The following CACNG4 variants were observed in gnomAD, a reference collection of about 807,000 sequenced individuals.
CACNG4 encodes calcium voltage-gated channel auxiliary subunit gamma 4, also known as voltage-dependent calcium channel gamma-4 subunit.
In CACNG4, 8 loss-of-function variants were observed where a neutral mutation model predicts 22.9. The observed-to-expected ratio is 0.35, with a 90% CI of 0.21 to 0.63. The LOEUF (loss-of-function observed/expected upper bound fraction) is 0.63, where lower values mean the gene tolerates loss of function less well. Ranked by LOEUF, CACNG4 falls within the 30% of genes least tolerant of loss-of-function variation. The probability of loss-of-function intolerance (pLI) is 0.72; values close to 1 mark genes in which losing one functional copy is unlikely to be tolerated. For missense variants in CACNG4, 357 were observed against 455.4 expected (o/e 0.78, Z 1.97); for synonymous variants, 188 against 191.9 (o/e 0.98, Z 0.17).
intron 2 of CACNG4, among the ~76,000 whole-genome samples, chr17:67,021,293 T>C (rs199681664): frequency 7.0e-6 from 1 of 142,308 alleles, no homozygotes; most frequent in Non-Finnish European, 1.5e-5. Context: ...GGGCTCTGCC[T>C]CCGGGTGGAG....
In CACNG4 at chr17:67,031,417, G is replaced by T; in HGVS notation, c.*413G>T. On this transcript the variant is annotated 3_prime_UTR_variant, in exon 4 of 4. Coordinates refer to ENST00000262138, the MANE Select transcript of CACNG4 (RefSeq NM_014405.4). This position sits in a 1 kb window ranked among gnomAD's most constrained non-coding sequence, Gnocchi z 4.0. ...TGCCTGGGTGTCGGGCCACCAGAAG[G>T]CTCTGCCGGACGCCAAGAAGACGGT... 2.2e-6 allele frequency: 1 copy of T among 463,140 alleles called. No homozygotes were observed. Among genetic ancestry groups the T allele is most frequent in the Non-Finnish European group, 4.3e-6 (1 of 231,354 alleles). 28.7% of individuals were successfully genotyped at this position (463,140 alleles called of 1,614,324 possible).
chr17:66,968,885 C>T (rs929537852), intron 1 of CACNG4, among the ~76,000 whole-genome samples: 1 of 150,398 alleles, frequency 6.6e-6, no homozygotes, highest in African/African-American at 2.5e-5. Context: ...GTCACTATCT[C>T]TATCTCTTTC....
chr17:66,971,603 G>C (rs1448594473), intron 1 of CACNG4, among the ~76,000 whole-genome samples: 1 of 152,174 alleles, frequency 6.6e-6, no homozygotes, highest in Non-Finnish European at 1.5e-5. Flanking sequence ...GGCGTGTGGG[G>C]AGCGGCTGGA....
intron 3 of CACNG4, among the ~76,000 whole-genome samples, chr17:67,029,390 G>C (rs1244363309): frequency 6.6e-6 from 1 of 151,888 alleles, no homozygotes; most frequent in Non-Finnish European, 1.5e-5. Context: ...CCAGCCCTTT[G>C]GGAGGCCGAG....
At chr17:66,965,153 C>T (rs746841224) in intron 1 of CACNG4, 22 bp downstream of exon 1, 1 of 1,384,120 alleles carries the variant, frequency 7.2e-7, no homozygotes, top group Non-Finnish European at 9.9e-7. Flanking sequence ...CCCGACCCCT[C>T]GCCGCCCCAC....
At chr17:67,012,218 G>A (rs894395283) in intron 1 of CACNG4, among the ~76,000 whole-genome samples, 2 of 152,206 alleles carry the variant, frequency 1.3e-5, no homozygotes, top group Non-Finnish European at 2.9e-5. Context: ...TCTGTCAAAT[G>A]GAGCAGAGAA....
chr17:67,031,275 C>T lies in CACNG4; in HGVS notation c.*271C>T, dbSNP rs1029569440. 28 of 629,368 alleles carry T rather than the reference C, an allele frequency of 4.4e-5. No homozygotes were observed. The highest frequency in any genetic ancestry group is 8.8e-6 in the Non-Finnish European group (3 of 339,938). The allele number at this position is 629,368 out of a possible 1,614,324, so 39.0% of individuals were successfully genotyped here. ...GGTCTCTGAAATCTCCCGGGAAGCC[C>T]CAGAGCTTTCCTGAGGCTGCCTGGC... On this transcript the variant is annotated 3_prime_UTR_variant, in exon 4 of 4. Coordinates refer to ENST00000262138, the MANE Select transcript of CACNG4 (RefSeq NM_014405.4). This position sits in a 1 kb window ranked among gnomAD's most constrained non-coding sequence, Gnocchi z 4.0.
At chr17:66,979,524 T>C (rs1474100608) in intron 1 of CACNG4, among the ~76,000 whole-genome samples, 1 of 152,180 alleles carries the variant, frequency 6.6e-6, no homozygotes, top group Non-Finnish European at 1.5e-5. Context: ...TTTATCAAGC[T>C]GGGAACAAAT....
chr17:67,025,605 T>C (rs888315170), intron 3 of CACNG4, among the ~76,000 whole-genome samples: 1 of 152,220 alleles, frequency 6.6e-6, no homozygotes, highest in African/African-American at 2.4e-5. Flanking sequence ...CCCTCCTGGC[T>C]ACAAGAAGGC....
intron 1 of CACNG4, among the ~76,000 whole-genome samples, chr17:66,994,006 C>T (rs1025098112): frequency 8.8e-5 from 13 of 146,942 alleles, no homozygotes; most frequent in Non-Finnish European, 1.6e-4. Flanking sequence ...TGTTGTAACC[C>T]TCAAATATAC....
rs75796361 is a variant in CACNG4, at chr17:67,030,400, C to T, written c.446-66C>T. 1.5e-3 allele frequency: 2,134 copies of T among 1,421,466 alleles called. 32 individuals carry two copies. The African/African-American group carries it at 0.027, about 18-fold the overall frequency. 88.1% of individuals were successfully genotyped at this position (1,421,466 alleles called of 1,614,324 possible). On this transcript the variant is annotated intron_variant, in intron 3 of 3. Transcript: ENST00000262138. This position sits in a 1 kb window ranked among gnomAD's most constrained non-coding sequence, Gnocchi z 6.4. ...CCTGTTCCCTACACTGCCCGTCCCA[C>T]TGTGGGTCTAACCTCTGCCTCTCTC...
At chr17:67,006,288 A>G (rs990691073) in intron 1 of CACNG4, among the ~76,000 whole-genome samples, 2 of 152,204 alleles carry the variant, frequency 1.3e-5, no homozygotes, top group Non-Finnish European at 2.9e-5. Context: ...AATGACAGAC[A>G]TTCAGAGCCT....
At position 67,032,942 on chromosome 17, in the gene CACNG4, C is replaced by T. The variant is rs546723444; in HGVS notation, c.*1938C>T. The T allele has an allele frequency of 2.6e-5, 4 of 153,076 alleles. No homozygotes were observed. Among genetic ancestry groups the T allele is most frequent in the Non-Finnish European group, 5.9e-5 (4 of 68,236 alleles). The allele number at this position is 153,076 out of a possible 1,614,324, so 9.5% of individuals were successfully genotyped here. Reference sequence around the variant, plus strand: ...GCAAGGCAGCCGTGCTGTTCTAGTTCCTCTCCATCCGCCACCTCCCCTCCC... The same window carrying T: ...GCAAGGCAGCCGTGCTGTTCTAGTTTCTCTCCATCCGCCACCTCCCCTCCC... On this transcript the variant is annotated 3_prime_UTR_variant, in exon 4 of 4. Coordinates refer to ENST00000262138, the MANE Select transcript of CACNG4 (RefSeq NM_014405.4).
In CACNG4 at chr17:67,031,439, C is replaced by T. The variant is rs1022253337; in HGVS notation, c.*435C>T. ...AAGGCTCTGCCGGACGCCAAGAAGA[C>T]GGTCTCTGGGCTCTTGTCAGCTGCT... On this transcript the variant is annotated 3_prime_UTR_variant, in exon 4 of 4. Transcript: ENST00000262138. The surrounding 1 kb of genome is among the most constrained non-coding windows in gnomAD (Gnocchi z 4.0). The T allele has an allele frequency of 2.0e-5, 9 of 460,432 alleles. No homozygotes were observed. The highest frequency in any genetic ancestry group is 3.1e-5 in the South Asian group (2 of 64,596). 28.5% of individuals were successfully genotyped at this position (460,432 alleles called of 1,614,324 possible).
chr17:67,014,691 C>T (rs1326302540), intron 1 of CACNG4, among the ~76,000 whole-genome samples: 1 of 152,130 alleles, frequency 6.6e-6, no homozygotes, highest in Non-Finnish European at 1.5e-5. Context: ...AATCCCAGCA[C>T]TTTGGGAGGC....
chr17:66,990,071 T>C (rs569378732), intron 1 of CACNG4, among the ~76,000 whole-genome samples: 1 of 152,128 alleles, frequency 6.6e-6, no homozygotes, highest in East Asian at 1.9e-4. Flanking sequence ...GGACTGGGAG[T>C]CTGGACACAC....
At position 67,031,553 on chromosome 17, in the gene CACNG4, C is replaced by T. The variant is rs1487757471; in HGVS notation, c.*549C>T. 1 of 457,062 alleles carries T rather than the reference C, an allele frequency of 2.2e-6. No homozygotes were observed. Among genetic ancestry groups the T allele is most frequent in the Non-Finnish European group, 4.4e-6 (1 of 227,052 alleles). The allele number at this position is 457,062 out of a possible 1,614,324, so 28.3% of individuals were successfully genotyped here. A position where few individuals can be genotyped will look rare whatever the true frequency, so the allele number is the denominator to read the frequency against. On this transcript the variant is annotated 3_prime_UTR_variant, in exon 4 of 4. Transcript: ENST00000262138. The surrounding 1 kb of genome is among the most constrained non-coding windows in gnomAD (Gnocchi z 4.0). Reference sequence around the variant, plus strand: ...TCTCCATCTCTCCCTCTCTCCAAGACTCTGGCAGTGGCCTATGATCCTGAA... The same window carrying T: ...TCTCCATCTCTCCCTCTCTCCAAGATTCTGGCAGTGGCCTATGATCCTGAA...
intron 1 of CACNG4, among the ~76,000 whole-genome samples, chr17:67,012,983 C>G (rs1408933326): frequency 5.3e-5 from 8 of 152,194 alleles, no homozygotes. Flanking sequence ...TGCCCTCTGA[C>G]ATGCTTTTCT....
rs1441759696 is a variant in CACNG4, at chr17:67,030,040, G to A, written c.446-426G>A. Among the ~76,000 whole-genome samples the A allele has an allele frequency of 2.0e-5, 3 of 152,218 alleles. No homozygotes were observed. Among genetic ancestry groups the A allele is most frequent in the East Asian group, 3.8e-4 (2 of 5,196 alleles). On this transcript the variant is annotated intron_variant, in intron 3 of 3. Transcript: ENST00000262138. This position sits in a 1 kb window ranked among gnomAD's most constrained non-coding sequence, Gnocchi z 6.4. ...AGACTTCTGTATGGCGGTGCCGCAC[G>A]TAGTTAGAAAGACAGGGATGGCTCT...
Sources: gnomAD v4.1 joint callset for allele counts (sites outside exome capture counted in the v4.1 genomes callset) on GRCh38, gnomAD v4.1.1 for gene constraint, Gnocchi (gnomAD v3.1) non-coding constraint, MANE v1.5 for transcripts, NCBI Gene and HGNC (gene_info 2026-07-23, HGNC 2026-07-21) for gene names.